Variants in CSNK2A2IP observed in about 807,000 individuals in gnomAD.
CSNK2A2IP encodes the protein casein kinase II subunit alpha'-interacting protein.
the CSNK2A2IP span, among the ~76,000 whole-genome samples, chr3:88,442,764 A>C: frequency 6.8e-6 from 1 of 146,538 alleles, no homozygotes; most frequent in Non-Finnish European, 1.5e-5. Context: ...ATCTAGATTA[A>C]AAAAAAAATC....
the CSNK2A2IP span, among the ~76,000 whole-genome samples, chr3:88,351,210 T>C: frequency 6.6e-6 from 1 of 152,140 alleles, no homozygotes; most frequent in Non-Finnish European, 1.5e-5. Context: ...ATAATTTTTC[T>C]TATCCTTTAA....
chr3:88,358,256 A>G, the CSNK2A2IP span, among the ~76,000 whole-genome samples: 4 of 147,490 alleles, frequency 2.7e-5, no homozygotes, highest in Non-Finnish European at 6.1e-5. Flanking sequence ...TAGGATTTTC[A>G]AAATATAAAA....
the CSNK2A2IP span, among the ~76,000 whole-genome samples, chr3:88,427,802 G>C: frequency 6.6e-5 from 10 of 152,182 alleles, no homozygotes; most frequent in Admixed American, 3.9e-4. Flanking sequence ...CAGAAGTTTG[G>C]TGCAGGGGTG....
At chr3:88,388,997 A>C in the CSNK2A2IP span, among the ~76,000 whole-genome samples, 1 of 151,488 alleles carries the variant, frequency 6.6e-6, no homozygotes, top group Non-Finnish European at 1.5e-5. Context: ...CAGACCAAAA[A>C]CCTCCACAAA....
the CSNK2A2IP span, among the ~76,000 whole-genome samples, chr3:88,393,639 G>T: frequency 2.0e-5 from 3 of 152,338 alleles, no homozygotes; most frequent in South Asian, 6.2e-4. Flanking sequence ...TTAGGAGATT[G>T]TGGTCAAACA....
At chr3:88,427,482 C>T in the CSNK2A2IP span, among the ~76,000 whole-genome samples, 12 of 152,204 alleles carry the variant, frequency 7.9e-5, no homozygotes, top group Non-Finnish European at 1.0e-4. Context: ...GTCTCCAGGG[C>T]GTATCAGAGA....
At chr3:88,343,700 T>G in the CSNK2A2IP span, among the ~76,000 whole-genome samples, 1 of 151,946 alleles carries the variant, frequency 6.6e-6, no homozygotes, top group Non-Finnish European at 1.5e-5. Flanking sequence ...TGCACATGAA[T>G]CACTAAACAA....
chr3:88,425,787 G>T, the CSNK2A2IP span, among the ~76,000 whole-genome samples: 4 of 152,050 alleles, frequency 2.6e-5, no homozygotes, highest in Admixed American at 1.3e-4. Flanking sequence ...TGAAGAGTGT[G>T]CTTTTCCACC....
At chr3:88,400,628 C>T in the CSNK2A2IP span, among the ~76,000 whole-genome samples, 1 of 152,056 alleles carries the variant, frequency 6.6e-6, no homozygotes, top group African/African-American at 2.4e-5. Flanking sequence ...GAATGGTCAG[C>T]AAGCTGTAAC....
chr3:88,389,397 T>C, the CSNK2A2IP span, among the ~76,000 whole-genome samples: 3 of 152,036 alleles, frequency 2.0e-5, no homozygotes, highest in Non-Finnish European at 4.4e-5. Context: ...GAGGAACCGC[T>C]GGAAAGCTGA....
chr3:88,437,628 T>C, the CSNK2A2IP span, among the ~76,000 whole-genome samples: 1 of 152,180 alleles, frequency 6.6e-6, no homozygotes, highest in African/African-American at 2.4e-5. Context: ...GTCATAATCA[T>C]TTCCTAAAAT....
At chr3:88,461,539 C>T in the CSNK2A2IP span, among the ~76,000 whole-genome samples, 1 of 151,992 alleles carries the variant, frequency 6.6e-6, no homozygotes, top group Non-Finnish European at 1.5e-5. Context: ...GGCGACAGAG[C>T]GAGACTCTGT....
the CSNK2A2IP span, among the ~76,000 whole-genome samples, chr3:88,426,426 A>T: frequency 1.3e-5 from 2 of 152,234 alleles, no homozygotes; most frequent in African/African-American, 4.8e-5. Context: ...GTCCTTCTCC[A>T]GCCTTACTGA....
At chr3:88,368,221 C>A in the CSNK2A2IP span, among the ~76,000 whole-genome samples, 1 of 151,932 alleles carries the variant, frequency 6.6e-6, no homozygotes, top group Non-Finnish European at 1.5e-5. Context: ...TTGCCAGGTC[C>A]TCTTCTAGGC....
chr3:88,351,658 A>C, the CSNK2A2IP span, among the ~76,000 whole-genome samples: 1 of 152,140 alleles, frequency 6.6e-6, no homozygotes, highest in Admixed American at 6.6e-5. Flanking sequence ...CATGCCAAAT[A>C]TTATGATCTA....
chr3:88,353,107 T>A, the CSNK2A2IP span, among the ~76,000 whole-genome samples: 6 of 152,196 alleles, frequency 3.9e-5, no homozygotes, highest in Non-Finnish European at 5.9e-5. Flanking sequence ...GCTTTGCGTA[T>A]CATACTTCTT....
chr3:88,371,096 C>T, the CSNK2A2IP span, among the ~76,000 whole-genome samples: 4 of 151,598 alleles, frequency 2.6e-5, no homozygotes, highest in Non-Finnish European at 5.9e-5. Context: ...TTATGGCAGC[C>T]TGAGCAAATG....
chr3:88,407,975 G>A, the CSNK2A2IP span, among the ~76,000 whole-genome samples: 42 of 152,156 alleles, frequency 2.8e-4, no homozygotes, highest in South Asian at 1.2e-3. Context: ...CACCCACCTT[G>A]ACCTCCCAAA....
the CSNK2A2IP span, among the ~76,000 whole-genome samples, chr3:88,464,333 T>C: frequency 1.3e-5 from 2 of 150,346 alleles, no homozygotes; most frequent in Non-Finnish European, 3.0e-5. Context: ...TAAATAAATA[T>C]ATCTATATAT....
Sources: gnomAD v4.1 joint callset for allele counts (sites outside exome capture counted in the v4.1 genomes callset) on GRCh38, gnomAD v4.1.1 for gene constraint, MANE v1.5 for transcripts, NCBI Gene and HGNC (gene_info 2026-07-23, HGNC 2026-07-21) for gene names.